Variants in SCN10A observed in about 807,000 individuals in gnomAD.
The protein encoded by SCN10A is sodium voltage-gated channel alpha subunit 10, also known as sodium channel protein type 10 subunit alpha.
SCN10A carries 162 observed loss-of-function variants against 170.7 expected under a neutral mutation model. That is an observed-to-expected ratio of 0.95 (90% CI 0.84 to 1.08). The LOEUF (loss-of-function observed/expected upper bound fraction) is 1.08. Among genes scored for constraint, SCN10A ranks in the 50% least tolerant of loss-of-function variants. SCN10A has a pLI of 0.00. For synonymous variants in SCN10A, 985 were observed against 904.6 expected (o/e 1.09, Z -1.59); for missense variants, 2,527 against 2,436.9 (o/e 1.04, Z -0.78).
rs1335768886 is a variant in SCN10A at position 38,739,542 on chromosome 3, G to C, written c.2253C>G (p.Ser751Arg). ...AGCGGAAGCTCCGCAGCACAGACAG[G>C]CTTCCCTTCTTGGCCACGCCCAGCT... ...LLELGVAKKG[S>R]LSVLRSFRLL... The change falls in exon 15 of 28, where the codon AGC (serine) becomes AGG (arginine). Residue 751 changes from serine (S) to arginine (R), a missense_variant. Physicochemically the swap from Ser to Arg is moderately radical, Grantham distance 110. Transcript: ENST00000449082. The C allele has an allele frequency of 6.2e-7, 1 of 1,614,058 alleles. No homozygotes were observed. Among genetic ancestry groups the C allele is most frequent in the African/African-American group, 1.3e-5 (1 of 75,046 alleles).
chr3:38,757,695 C>A (rs952595660), intron 8 of SCN10A, among the ~76,000 whole-genome samples: 5 of 152,116 alleles, frequency 3.3e-5, no homozygotes, highest in Admixed American at 2.0e-4. Context: ...ATCTGGGGGT[C>A]AGAAAGAAGT....
At chr3:38,735,089 G>A (rs2126008294) in intron 15 of SCN10A, among the ~76,000 whole-genome samples, 1 of 148,052 alleles carries the variant, frequency 6.8e-6, no homozygotes, top group South Asian at 2.1e-4. Context: ...AGAATGGCGT[G>A]AACCCGGGAG....
In SCN10A at chr3:38,723,975, G is replaced by A. The variant is rs1001262796; in HGVS notation, c.3229-422C>T. ...ATGGTGGGGCGGGTCCCCATTTGTC[G>A]CTGTCAGGCCCCTCCTGCCTAGCCG... On this transcript the variant is annotated intron_variant, in intron 18 of 27. Coordinates refer to ENST00000449082, the MANE Select transcript of SCN10A (RefSeq NM_006514.4). 3.3e-5 allele frequency among the ~76,000 whole-genome samples: 5 copies of A among 152,158 alleles called. No homozygotes were observed. The South Asian group carries it at 6.2e-4, about 19-fold the overall frequency.
At chr3:38,801,021 A>G (rs1288452694) in intron 1 of SCN10A, among the ~76,000 whole-genome samples, 3 of 152,100 alleles carry the variant, frequency 2.0e-5, no homozygotes, top group Non-Finnish European at 2.9e-5. Context: ...TTCTGGGAGA[A>G]CCAGCTGACT....
intron 11 of SCN10A, among the ~76,000 whole-genome samples, chr3:38,753,703 T>C (rs2063772956): frequency 6.6e-6 from 1 of 152,190 alleles, no homozygotes; most frequent in Admixed American, 6.5e-5. Flanking sequence ...GAATACTACA[T>C]TATTTGCACT....
At chr3:38,720,523 G>A (rs1416465985) in intron 20 of SCN10A, among the ~76,000 whole-genome samples, 1 of 151,982 alleles carries the variant, frequency 6.6e-6, no homozygotes, top group Non-Finnish European at 1.5e-5. Context: ...TACTTTGTCA[G>A]ATGAAAATGC....
At chr3:38,803,364 A>G (rs1281569801) in intron 1 of SCN10A, among the ~76,000 whole-genome samples, 11 of 152,246 alleles carry the variant, frequency 7.2e-5, no homozygotes, top group African/African-American at 1.7e-4. Context: ...TGTTTATTGC[A>G]GCACTATTCA....
At chr3:38,742,884 T>C (rs535937573) in intron 13 of SCN10A, among the ~76,000 whole-genome samples, 21 of 152,274 alleles carry the variant, frequency 1.4e-4, no homozygotes, top group African/African-American at 5.1e-4. Flanking sequence ...CCTCCTTCAT[T>C]GTACTTGCCT....
chr3:38,734,275 G>T (rs1055067450), intron 15 of SCN10A, among the ~76,000 whole-genome samples: 1 of 152,062 alleles, frequency 6.6e-6, no homozygotes, highest in Non-Finnish European at 1.5e-5. Flanking sequence ...TCCCACCTTG[G>T]CCTCCCAAAA....
chr3:38,783,675 T>C (rs912450648), intron 4 of SCN10A, among the ~76,000 whole-genome samples: 2 of 152,124 alleles, frequency 1.3e-5, no homozygotes, highest in Non-Finnish European at 2.9e-5. Context: ...TTCTTGTAGC[T>C]GTAATCTGGT....
At chr3:38,716,218 T>A (rs1229788609) in intron 21 of SCN10A, among the ~76,000 whole-genome samples, 1 of 152,010 alleles carries the variant, frequency 6.6e-6, no homozygotes, top group Non-Finnish European at 1.5e-5. Context: ...ATATATATCT[T>A]ATAACATCAT....
intron 15 of SCN10A, among the ~76,000 whole-genome samples, chr3:38,732,755 C>T (rs1485868992): frequency 6.6e-6 from 1 of 152,076 alleles, no homozygotes; most frequent in African/African-American, 2.4e-5. Context: ...TTTATTAAAC[C>T]TTAGTATTGT....
intron 10 of SCN10A, among the ~76,000 whole-genome samples, chr3:38,756,301 TAA>T (rs57346275): frequency 7.7e-5 from 11 of 142,456 alleles, no homozygotes; most frequent in African/African-American, 2.3e-4. Flanking sequence ...ATGGGGAGGG[TAA>T]AAAAAAAAAG....
intron 13 of SCN10A, among the ~76,000 whole-genome samples, chr3:38,747,051 A>G (rs1026548824): frequency 6.6e-6 from 1 of 152,188 alleles, no homozygotes; most frequent in African/African-American, 2.4e-5. Flanking sequence ...CATGTGTGTA[A>G]TGAATATAAC....
intron 15 of SCN10A, among the ~76,000 whole-genome samples, chr3:38,731,808 C>A (rs549621186): frequency 1.9e-3 from 294 of 152,346 alleles, no homozygotes; most frequent in Non-Finnish European, 3.4e-3. Flanking sequence ...CAAACCTCCC[C>A]TTTCCTTCCA....
At chr3:38,800,266 T>C (rs1478797858) in intron 1 of SCN10A, among the ~76,000 whole-genome samples, 2 of 152,166 alleles carry the variant, frequency 1.3e-5, no homozygotes, top group Non-Finnish European at 2.9e-5. Context: ...CAGTCCACAG[T>C]CTGGTGCTGA....
chr3:38,800,087 A>G (rs1419303751), intron 1 of SCN10A, among the ~76,000 whole-genome samples: 4 of 152,204 alleles, frequency 2.6e-5, no homozygotes, highest in African/African-American at 7.2e-5. Context: ...ATGGTTTGCC[A>G]TCACAGATGG....
At chr3:38,782,608 T>C (rs2064151832) in intron 4 of SCN10A, among the ~76,000 whole-genome samples, 1 of 152,076 alleles carries the variant, frequency 6.6e-6, no homozygotes, top group African/African-American at 2.4e-5. Context: ...ATAACTCATT[T>C]TGCAAAAAAA....
chr3:38,814,730 T>C (rs753000140), intron 1 of SCN10A, among the ~76,000 whole-genome samples: 8 of 152,206 alleles, frequency 5.3e-5, no homozygotes, highest in Non-Finnish European at 1.2e-4. Context: ...TCACTACCAT[T>C]ATTTGACTAA....
Sources: gnomAD v4.1 joint callset for allele counts (sites outside exome capture counted in the v4.1 genomes callset) on GRCh38, gnomAD v4.1.1 for gene constraint, MANE v1.5 for transcripts, NCBI Gene and HGNC (gene_info 2026-07-23, HGNC 2026-07-21) for gene names.